The following VEGFD variants were observed in gnomAD, a reference collection of about 807,000 sequenced individuals.
VEGFD encodes the protein vascular endothelial growth factor D.
VEGFD carries 26 observed loss-of-function variants against 28.0 expected under a neutral mutation model. That is an observed-to-expected ratio of 0.93 (90% CI 0.68 to 1.29). The LOEUF is 1.29. Ranked by LOEUF, VEGFD falls within the 50% of genes most tolerant of loss-of-function variation. VEGFD has a pLI of 0.00. For synonymous variants in VEGFD, 93 were observed against 95.5 expected (o/e 0.97, Z 0.15); for missense variants, 294 against 273.4 (o/e 1.08, Z -0.53).
intron 5 of VEGFD, among the ~76,000 whole-genome samples, chrX:15,351,122 T>C (rs1306286181): frequency 3.4e-5 from 3 of 89,185 alleles, no homozygotes; most frequent in East Asian, 7.1e-4. Flanking sequence ...TTTTTTTTTT[T>C]TTTCTTTTTT....
intron 1 of VEGFD, among the ~76,000 whole-genome samples, chrX:15,367,986 A>AAAAGAAGAAAGAAAGAAAGAAAG (rs1923191807): frequency 3.0e-5 from 2 of 66,631 alleles, no homozygotes; most frequent in Non-Finnish European, 5.2e-5. Context: ...AAGAAAAAGA[A>AAAAGAAGAAAGAAAGAAAGAAAG]AAAGAAAGAA....
chrX:15,384,091 C>G lies in VEGFD; in HGVS notation c.-145G>C. On this transcript the variant is annotated 5_prime_UTR_variant, in exon 1 of 7. Transcript: ENST00000297904. ...CCAAATAATCAGTTCTGATCAAAAT[C>G]CAATGAAATTATTTCAATTAGGCAA... 1 of 433,973 alleles carries G rather than the reference C, an allele frequency of 2.3e-6. No homozygotes were observed. Among genetic ancestry groups the G allele is most frequent in the Non-Finnish European group, 4.1e-6 (1 of 246,293 alleles). 35.8% of individuals were successfully genotyped at this position (433,973 alleles called of 1,213,427 possible). A position where few individuals can be genotyped will look rare whatever the true frequency, so the allele number is the denominator to read the frequency against.
At chrX:15,356,397 C>T (rs1429303114) in intron 3 of VEGFD, among the ~76,000 whole-genome samples, 1 of 112,026 alleles carries the variant, frequency 8.9e-6, no homozygotes, top group Non-Finnish European at 1.9e-5. Context: ...TAAAAAACTA[C>T]TATTAAAATG....
At position 15,354,822 on chromosome X, in the gene VEGFD, A is replaced by T. The variant is rs369592583; in HGVS notation, c.641+328T>A. 9.0e-5 allele frequency among the ~76,000 whole-genome samples: 10 copies of T among 111,623 alleles called. No individual in the cohort carries two copies. The East Asian group carries it at 2.5e-3, about 28-fold the overall frequency. ...AAACAGCCTGAAATAAGTTTTATTT[A>T]ATGCTTGTTCTGGAACATGTGCTAA... On this transcript the variant is annotated intron_variant, in intron 4 of 6. Transcript: ENST00000297904.
At chrX:15,346,361 A>T in intron 6 of VEGFD, 102 bp from the exon 7 acceptor site, 8 of 935,533 alleles carry the variant, frequency 8.6e-6, no homozygotes, top group Non-Finnish European at 1.2e-5. Context: ...ATGTATTTAA[A>T]ATGTCAGTAT....
Position 15,353,162 on chromosome X carries a change from G to C in VEGFD, c.648C>G (p.Ser216=). 1 of 1,087,188 alleles carries C rather than the reference G, an allele frequency of 9.2e-7. No individual in the cohort carries two copies. The highest frequency in any genetic ancestry group is 1.2e-6 in the Non-Finnish European group (1 of 803,063). The allele number at this position is 1,087,188 out of a possible 1,213,427, so 89.6% of individuals were successfully genotyped here. A position where few individuals can be genotyped will look rare whatever the true frequency, so the allele number is the denominator to read the frequency against. The change falls in exon 5 of 7, where the codon TCC becomes TCG. Residue 216 remains serine (S), a synonymous_variant. Transcript: ENST00000297904. ...CAATAGGACAGAGTTTCTTGGAATGGGAACAGCTAGGAAAAGAAAACAATG... is the reference window on the plus strand; with the variant it reads ...CAATAGGACAGAGTTTCTTGGAATGCGAACAGCTAGGAAAAGAAAACAATG... ...SIQIPEEDRC[S]HSKKLCPIDM... is the part of the protein sequence containing the mutation.
rs1923061743 is a variant in VEGFD at position 15,363,210 on chromosome X, C to G, written c.200G>C (p.Cys67Ser). Residue 67 changes from cysteine (C) to serine (S), a missense_variant, in exon 2 of 7, where the codon TGC (cysteine) becomes TCC (serine). Cys to Ser is a moderately radical substitution (Grantham distance 112). Coordinates refer to ENST00000297904, the MANE Select transcript of VEGFD (RefSeq NM_004469.5). Reference protein sequence around the residue: ...THSEDWKLWRCRLRLKSFTSM... With the variant: ...THSEDWKLWRSRLRLKSFTSM... Reference sequence around the variant, plus strand: ...GGTAAAACTTTTGAGCCTCAGCCTGCATCTCCACAGCTTCCAGTCCTCAGA... The same window carrying G: ...GGTAAAACTTTTGAGCCTCAGCCTGGATCTCCACAGCTTCCAGTCCTCAGA... 8.3e-7 allele frequency: 1 copy of G among 1,211,337 alleles called. No homozygotes were observed. The highest frequency in any genetic ancestry group is 1.7e-5 in the African/African-American group (1 of 57,773).
chrX:15,376,266 A>G (rs1213475651), intron 1 of VEGFD, among the ~76,000 whole-genome samples: 2 of 111,761 alleles, frequency 1.8e-5, no homozygotes, highest in East Asian at 2.8e-4. Flanking sequence ...ACGTTTTTCT[A>G]TTTCCACCAT....
At chrX:15,361,833 T>A (rs1923019366) in intron 2 of VEGFD, among the ~76,000 whole-genome samples, 1 of 107,586 alleles carries the variant, frequency 9.3e-6, no homozygotes, top group African/African-American at 3.7e-5. Flanking sequence ...ACTGGTTTTC[T>A]TTCTTTCTTT....
At chrX:15,363,434 T>C in intron 1 of VEGFD, 115 bp from the exon 2 acceptor site, 1 of 591,762 alleles carries the variant, frequency 1.7e-6, no homozygotes, top group Non-Finnish European at 2.6e-6. Flanking sequence ...AGAGATACTA[T>C]TGAAACGTAT....
At chrX:15,371,105 T>G (rs1034849430) in intron 1 of VEGFD, among the ~76,000 whole-genome samples, 10 of 111,625 alleles carry the variant, frequency 9.0e-5, no homozygotes, top group African/African-American at 2.9e-4. Flanking sequence ...CAAAGTGGGG[T>G]CTAACAAGTT....
At chrX:15,354,994 G>T (rs992799222) in intron 4 of VEGFD, among the ~76,000 whole-genome samples, 156 bp downstream of exon 4, 2 of 111,511 alleles carry the variant, frequency 1.8e-5, no homozygotes, top group Admixed American at 9.5e-5. Context: ...ATATGTATTT[G>T]CCAGTTATTA....
At chrX:15,351,401 G>A (rs1004129839) in intron 5 of VEGFD, among the ~76,000 whole-genome samples, 1 of 107,829 alleles carries the variant, frequency 9.3e-6, no homozygotes, top group Non-Finnish European at 1.9e-5. Flanking sequence ...CTACAGGCGT[G>A]AGCCACCGCG....
chrX:15,383,481 G>A (rs999039989), intron 1 of VEGFD, among the ~76,000 whole-genome samples: 3 of 112,127 alleles, frequency 2.7e-5, no homozygotes, highest in Non-Finnish European at 5.6e-5. Context: ...TGCTCACAAA[G>A]ACCTGAAAAT....
intron 3 of VEGFD, among the ~76,000 whole-genome samples, chrX:15,357,699 C>T (rs1411335159): frequency 9.0e-6 from 1 of 111,659 alleles, no homozygotes; most frequent in African/African-American, 3.3e-5. Flanking sequence ...TGAGTCTTGA[C>T]ATCATAGCAT....
intron 6 of VEGFD, among the ~76,000 whole-genome samples, chrX:15,346,659 C>T (rs113932681): frequency 5.4e-5 from 6 of 112,079 alleles, no homozygotes; most frequent in African/African-American, 1.6e-4. Context: ...CCCGGGTGGG[C>T]GCGGTGGCTC....
At chrX:15,372,613 G>A (rs772514289) in intron 1 of VEGFD, among the ~76,000 whole-genome samples, 1 of 110,830 alleles carries the variant, frequency 9.0e-6, no homozygotes, top group Non-Finnish European at 1.9e-5. Context: ...CTTCCCAGGT[G>A]TTAGCCTTAG....
At chrX:15,359,286 G>A (rs1429496469) in intron 2 of VEGFD, among the ~76,000 whole-genome samples, 1 of 106,421 alleles carries the variant, frequency 9.4e-6, no homozygotes, top group Non-Finnish European at 1.9e-5. Context: ...CTTATTGCAA[G>A]CTCCCTTCTT....
At chrX:15,348,600 A>G (rs1288875200) in intron 5 of VEGFD, among the ~76,000 whole-genome samples, 2 of 112,122 alleles carry the variant, frequency 1.8e-5, no homozygotes, top group African/African-American at 3.2e-5. Context: ...TGTTGCCCTG[A>G]TATTCCAGTG....
Sources: gnomAD v4.1 joint callset for allele counts (sites outside exome capture counted in the v4.1 genomes callset) on GRCh38, gnomAD v4.1.1 for gene constraint, MANE v1.5 for transcripts, NCBI Gene and HGNC (gene_info 2026-07-23, HGNC 2026-07-21) for gene names.